The following TNS1 variants were observed in gnomAD, a reference collection of about 807,000 sequenced individuals.
The protein encoded by TNS1 is tensin 1.
A neutral mutation model predicts 168.6 loss-of-function variants in TNS1; 62 were observed. The observed-to-expected ratio is 0.37, with a 90% CI of 0.30 to 0.45. The LOEUF (loss-of-function observed/expected upper bound fraction) is 0.45, where lower values mean the gene tolerates loss of function less well. Among genes scored for constraint, TNS1 ranks in the 20% least tolerant of loss-of-function variants. The probability of loss-of-function intolerance (pLI) is 1.00; values close to 1 mark genes in which losing one functional copy is unlikely to be tolerated. For missense variants in TNS1, 2,240 were observed against 2,339.4 expected (o/e 0.96, Z 0.88); for synonymous variants, 934 against 933.2 (o/e 1.00, Z -0.02).
intron 1 of TNS1, among the ~76,000 whole-genome samples, chr2:218,028,984 G>C (rs963441577): frequency 6.6e-6 from 1 of 152,192 alleles, no homozygotes; most frequent in Non-Finnish European, 1.5e-5. Flanking sequence ...AGGAGCCCTG[G>C]GCAAGTTCAT....
At chr2:218,006,077 C>A (rs1415958728), upstream of TNS1, among the ~76,000 whole-genome samples, 1 of 152,162 alleles carries the variant, frequency 6.6e-6, no homozygotes, top group Admixed American at 6.5e-5. Context: ...CAACCCTGTG[C>A]CATCCCCATT....
intron 19 of TNS1, chr2:217,841,944 A>G: frequency 1.6e-6 from 1 of 629,736 alleles, no homozygotes; most frequent in Non-Finnish European, 2.8e-6. Flanking sequence ...CTGCTATGTT[A>G]TCCTTTCCTT....
chr2:217,847,445 G>A, intron 19 of TNS1, 65 bp downstream of exon 19: 1 of 1,356,176 alleles, frequency 7.4e-7, no homozygotes, highest in Non-Finnish European at 9.6e-7. Context: ...GGCTGGACCT[G>A]CACCTCCCCC....
At chr2:217,885,997 C>T in intron 14 of TNS1, 47 bp downstream of exon 14, 1 of 1,607,942 alleles carries the variant, frequency 6.2e-7, no homozygotes, top group Non-Finnish European at 8.5e-7. Context: ...GGTCCTTAGC[C>T]CTGGGCCTTG....
At chr2:217,943,141 A>G (rs1956999355) in intron 3 of TNS1, among the ~76,000 whole-genome samples, 1 of 152,142 alleles carries the variant, frequency 6.6e-6, no homozygotes, top group Non-Finnish European at 1.5e-5. Flanking sequence ...CACCTGGATT[A>G]GCCATTTCTG....
upstream of TNS1, among the ~76,000 whole-genome samples, chr2:218,005,990 A>C (rs1440056451): frequency 6.6e-6 from 1 of 152,190 alleles, no homozygotes; most frequent in Non-Finnish European, 1.5e-5. Context: ...TGTCTCACAC[A>C]CAGCAGACAT....
At chr2:218,021,932 T>C (rs1474049510) in intron 1 of TNS1, among the ~76,000 whole-genome samples, 2 of 152,092 alleles carry the variant, frequency 1.3e-5, no homozygotes, top group Non-Finnish European at 2.9e-5. Context: ...TGGCTGAGGC[T>C]GAGGAGTACC....
Position 217,895,038 on chromosome 2 carries a change from G to A in TNS1, c.562C>T (p.Arg188Trp), listed in dbSNP as rs748336747. 3.8e-5 allele frequency: 61 copies of A among 1,612,140 alleles called. No homozygotes were observed. Among genetic ancestry groups the A allele is most frequent in the East Asian group, 2.0e-4 (9 of 44,868 alleles). The change falls in exon 9 of 33, where the codon CGG (arginine) becomes TGG (tryptophan). Residue 188 changes from arginine (R) to tryptophan (W), a missense_variant. Around this residue, in one of 2 missense-constraint regions of TNS1, gnomAD observed 2,131 missense variants for 2,171.2 expected, o/e 0.98. Transcript: ENST00000682258. ...TGGAGCTTCGTGATGTCAGGTCTCCGCTCAGAGAGGTTGAACAGCTAGAAG... is the reference window on the plus strand; with the variant it reads ...TGGAGCTTCGTGATGTCAGGTCTCCACTCAGAGAGGTTGAACAGCTAGAAG... ...GNYLLFNLSE[R>W]RPDITKLHAK...
rs148940233 is a variant in TNS1, at chr2:218,032,314, G to A, written c.156+1506C>T. Reference sequence around the variant, plus strand: ...GTGGGCAATGGGGCCTGGGGGACAAGGCAGTCCAGGAGAAGGAGGAGGACA... The same window carrying A: ...GTGGGCAATGGGGCCTGGGGGACAAAGCAGTCCAGGAGAAGGAGGAGGACA... On this transcript the variant is annotated intron_variant, in intron 1 of 1. Coordinates refer to the TNS1 transcript ENST00000649572. This position sits in a 1 kb window ranked among gnomAD's most constrained non-coding sequence, Gnocchi z 4.0. 2.4e-4 allele frequency among the ~76,000 whole-genome samples: 37 copies of A among 152,300 alleles called. No individual in the cohort carries two copies. In the East Asian group the frequency reaches 7.1e-3, roughly 29 times the overall value.
At chr2:217,809,464 G>C (rs1419418687) in intron 30 of TNS1, among the ~76,000 whole-genome samples, 6 of 49,986 alleles carry the variant, frequency 1.2e-4, no homozygotes, top group African/African-American at 2.3e-4. Flanking sequence ...TGGATGCATG[G>C]ATGGATGGAT....
In TNS1 at chr2:217,818,422, T is replaced by A. The variant is rs767810144; in HGVS notation, c.3910A>T (p.Ile1304Phe). Residue 1304 changes from isoleucine to phenylalanine, a missense_variant, in exon 24 of 33, where the codon ATC becomes TTC. Around this residue, in one of 2 missense-constraint regions of TNS1, gnomAD observed 2,131 missense variants for 2,171.2 expected, o/e 0.98. Transcript: ENST00000682258. ...PPSPGFGWRAINPSMAAPSSP... is the reference protein window; with the variant it reads ...PPSPGFGWRAFNPSMAAPSSP... ...CTGGGGGCAGCCATGCTGGGATTGA[T>A]GGCCCGCCAGCCGAAGCCAGGACTA... 2 of 1,614,066 alleles carry A rather than the reference T, an allele frequency of 1.2e-6. No individual in the cohort carries two copies. The highest frequency in any genetic ancestry group is 1.7e-6 in the Non-Finnish European group (2 of 1,179,968).
chr2:217,884,933 T>C, intron 16 of TNS1, 102 bp downstream of exon 16: 1 of 1,459,736 alleles, frequency 6.9e-7, no homozygotes, highest in African/African-American at 1.4e-5. Context: ...ACAGACCACA[T>C]GGTCCAGAAA....
intron 9 of TNS1, among the ~76,000 whole-genome samples, chr2:217,894,540 C>G (rs188781545): frequency 7.9e-5 from 12 of 152,212 alleles, no homozygotes; most frequent in African/African-American, 2.6e-4. Flanking sequence ...GCCTGTAGTC[C>G]CAGCTACTCG....
chr2:217,837,557 G>C (rs1176072575), intron 19 of TNS1, among the ~76,000 whole-genome samples: 1 of 152,244 alleles, frequency 6.6e-6, no homozygotes, highest in Non-Finnish European at 1.5e-5. Context: ...CGCATCAGGA[G>C]AGCAGCAGGA....
chr2:218,018,257 C>T, intron 1 of TNS1, among the ~76,000 whole-genome samples: 1 of 152,196 alleles, frequency 6.6e-6, no homozygotes, highest in Non-Finnish European at 1.5e-5. Context: ...ACCACACGGC[C>T]AGAGAGGCCT....
At chr2:217,871,145 C>A (rs1056357611) in intron 18 of TNS1, among the ~76,000 whole-genome samples, 2 of 152,232 alleles carry the variant, frequency 1.3e-5, no homozygotes, top group African/African-American at 4.8e-5. Context: ...GAGGACCAAT[C>A]TGCCTGTCAC....
intron 18 of TNS1, chr2:217,850,402 C>T: frequency 1.0e-6 from 1 of 985,282 alleles, no homozygotes; most frequent in Non-Finnish European, 1.2e-6. Flanking sequence ...GGGAGAGGGT[C>T]CTCTTGTCTG....
intron 25 of TNS1, among the ~76,000 whole-genome samples, chr2:217,814,396 C>T (rs1941524647): frequency 6.6e-6 from 1 of 152,182 alleles, no homozygotes; most frequent in Non-Finnish European, 1.5e-5. Flanking sequence ...AACTACTCCA[C>T]TCTGCCACTG....
intron 18 of TNS1, among the ~76,000 whole-genome samples, chr2:217,876,260 A>G (rs1950191118): frequency 6.6e-6 from 1 of 152,114 alleles, no homozygotes; most frequent in African/African-American, 2.4e-5. Flanking sequence ...CCGGAACACT[A>G]TGGAGGAATT....
Sources: gnomAD v4.1 joint callset for allele counts (sites outside exome capture counted in the v4.1 genomes callset) on GRCh38, gnomAD v4.1.1 for gene constraint, gnomAD v4.1.1 regional missense constraint, Gnocchi (gnomAD v3.1) non-coding constraint, MANE v1.5 for transcripts, NCBI Gene and HGNC (gene_info 2026-07-23, HGNC 2026-07-21) for gene names.